RANBP17: variants seen among roughly 807,000 people sequenced by gnomAD.
The protein encoded by RANBP17 is ran-binding protein 17.
A neutral mutation model predicts 141.2 loss-of-function variants in RANBP17; 158 were observed. The observed-to-expected ratio is 1.12, with a 90% CI of 0.98 to 1.28. The LOEUF (loss-of-function observed/expected upper bound fraction) is 1.28, where lower values mean the gene tolerates loss of function less well. Among genes scored for constraint, RANBP17 ranks in the 50% most tolerant of loss-of-function variants. The probability of loss-of-function intolerance (pLI) is 0.00; values close to 1 mark genes in which losing one functional copy is unlikely to be tolerated. For missense variants in RANBP17, 1,438 were observed against 1,290.7 expected (o/e 1.11, Z -1.75); for synonymous variants, 430 against 450.0 (o/e 0.96, Z 0.56).
At chr5:171,001,389 G>A (rs1779190593) in intron 14 of RANBP17, among the ~76,000 whole-genome samples, 1 of 152,164 alleles carries the variant, frequency 6.6e-6, no homozygotes, top group Non-Finnish European at 1.5e-5. Context: ...GAGTACCCAG[G>A]ACGTCCAATT....
Position 171,104,552 on chromosome 5 carries a change from T to C in RANBP17, c.1711-65578T>C, listed in dbSNP as rs545509009. Among the ~76,000 whole-genome samples the C allele has an allele frequency of 3.3e-5, 5 of 152,338 alleles. No individual in the cohort carries two copies. In the East Asian group the frequency reaches 9.6e-4, roughly 29 times the overall value. On this transcript the variant is annotated intron_variant, in intron 14 of 27. Transcript: ENST00000523189. ...TAACAGTTATACCTCTGAACTATTT[T>C]CCACAGAACAGAAATGACCTGTTAG...
intron 16 of RANBP17, among the ~76,000 whole-genome samples, chr5:171,180,104 A>G (rs955805167): frequency 6.6e-6 from 1 of 152,210 alleles, no homozygotes; most frequent in Non-Finnish European, 1.5e-5. Flanking sequence ...TTAATGGGTT[A>G]CTGCCAGCCA....
At chr5:171,183,550 T>C in intron 18 of RANBP17, 120 bp downstream of exon 18, 1 of 662,190 alleles carries the variant, frequency 1.5e-6, no homozygotes, top group South Asian at 2.0e-5. Flanking sequence ...TTCTGACAGT[T>C]TTCTACAACC....
At chr5:171,081,787 G>C (rs1785270352) in intron 14 of RANBP17, among the ~76,000 whole-genome samples, 1 of 152,068 alleles carries the variant, frequency 6.6e-6, no homozygotes, top group Non-Finnish European at 1.5e-5. Context: ...AAATAAGATA[G>C]CTTCTTACCA....
At chr5:171,075,967 A>G (rs186539605) in intron 14 of RANBP17, among the ~76,000 whole-genome samples, 1 of 144,336 alleles carries the variant, frequency 6.9e-6, no homozygotes, top group African/African-American at 2.9e-5. Context: ...AGAAAAAATT[A>G]AAAAAACACA....
intron 14 of RANBP17, among the ~76,000 whole-genome samples, chr5:171,097,479 T>C (rs1416973205): frequency 5.3e-5 from 8 of 152,064 alleles, no homozygotes; most frequent in Admixed American, 5.2e-4. Flanking sequence ...AGATACACAG[T>C]GAATGAGTAA....
At chr5:171,097,191 G>A (rs866982337) in intron 14 of RANBP17, among the ~76,000 whole-genome samples, 16 of 151,948 alleles carry the variant, frequency 1.1e-4, no homozygotes, top group Admixed American at 2.0e-4. Flanking sequence ...TCTTTAGCTT[G>A]TCCCTTCCTT....
intron 26 of RANBP17, 37 bp downstream of exon 26, chr5:171,294,018 C>G (rs778149437): frequency 6.9e-7 from 1 of 1,453,966 alleles, no homozygotes; most frequent in East Asian, 2.3e-5. Flanking sequence ...GAGGTGGTCC[C>G]TGGGAGAAGA....
At chr5:171,293,239 T>TA (rs1360520016) in intron 25 of RANBP17, among the ~76,000 whole-genome samples, 1 of 152,212 alleles carries the variant, frequency 6.6e-6, no homozygotes, top group Non-Finnish European at 1.5e-5. Context: ...TTCAAACTAC[T>TA]TAATGTCAGA....
rs184787768 is a variant in RANBP17 at position 171,111,156 on chromosome 5, C to T, written c.1711-58974C>T. ...GAAAAAGAAAGGTCAGAGTATTCTT[C>T]TTGTATCTGCTGTTTTTTCAGTGCC... On this transcript the variant is annotated intron_variant, in intron 14 of 27. Transcript: ENST00000523189. Among the ~76,000 whole-genome samples, 19 of 152,194 alleles carry T rather than the reference C, an allele frequency of 1.2e-4. No individual in the cohort carries two copies. The East Asian group carries it at 3.7e-3, about 29-fold the overall frequency.
intron 5 of RANBP17, among the ~76,000 whole-genome samples, chr5:170,903,098 C>T (rs1334723325): frequency 6.6e-6 from 1 of 152,232 alleles, no homozygotes; most frequent in African/African-American, 2.4e-5. Context: ...GCTGTGCCCA[C>T]AGCCGCCCCT....
chr5:171,012,004 C>CAGTAATATATTTGTTTAAACA (rs1780071673), intron 14 of RANBP17, among the ~76,000 whole-genome samples: 1 of 149,982 alleles, frequency 6.7e-6, no homozygotes, highest in Non-Finnish European at 1.5e-5. Context: ...GTTATTGCCT[C>CAGTAATATATTTGTTTAAACA]AGTAATATAT....
chr5:170,908,946 A>C (rs1183046886), intron 5 of RANBP17, among the ~76,000 whole-genome samples: 1 of 151,878 alleles, frequency 6.6e-6, no homozygotes, highest in Non-Finnish European at 1.5e-5. Flanking sequence ...GCAACTGTAG[A>C]CCATAGTGTT....
At chr5:170,868,375 A>G (rs1767444446) in intron 1 of RANBP17, among the ~76,000 whole-genome samples, 1 of 152,102 alleles carries the variant, frequency 6.6e-6, no homozygotes, top group Non-Finnish European at 1.5e-5. Context: ...CAGCCTCCCA[A>G]GTAGCTGGGA....
chr5:171,291,787 C>G (rs1026755912), intron 25 of RANBP17, among the ~76,000 whole-genome samples: 2 of 152,028 alleles, frequency 1.3e-5, no homozygotes, highest in African/African-American at 4.8e-5. Flanking sequence ...AGCTGATTTG[C>G]TCACTAATTT....
chr5:171,107,949 T>G (rs1033011879), intron 14 of RANBP17, among the ~76,000 whole-genome samples: 1 of 152,234 alleles, frequency 6.6e-6, no homozygotes, highest in African/African-American at 2.4e-5. Context: ...AGCAATCAGT[T>G]TCAGGTTTCT....
rs373001251 is a variant in RANBP17, at chr5:171,123,505, C to T, written c.1711-46625C>T. ...GCCACTGCTCATGTCATAGACATTGCCTAGAGGGTTGATAAACTGCCCACC... is the reference window on the plus strand; with the variant it reads ...GCCACTGCTCATGTCATAGACATTGTCTAGAGGGTTGATAAACTGCCCACC... On this transcript the variant is annotated intron_variant, in intron 14 of 27. Coordinates refer to ENST00000523189, the MANE Select transcript of RANBP17 (RefSeq NM_022897.5). Among the ~76,000 whole-genome samples the T allele has an allele frequency of 4.4e-4, 67 of 152,296 alleles. 2 individuals carry two copies. The South Asian group carries it at 0.013, about 31-fold the overall frequency.
intron 14 of RANBP17, among the ~76,000 whole-genome samples, chr5:171,101,999 A>G (rs1025404900): frequency 1.3e-5 from 2 of 152,140 alleles, no homozygotes; most frequent in African/African-American, 4.8e-5. Flanking sequence ...GGGTAACCCA[A>G]CCTTTCTCTC....
chr5:171,198,530 T>C lies in RANBP17; in HGVS notation c.2039-1140T>C, dbSNP rs1581844380. ...AAAATGACTATAGATGCCAGTGTTT[T>C]TCGAACATTCACAGGCATCTGAATC... On this transcript the variant is annotated intron_variant, in intron 18 of 27. Coordinates refer to ENST00000523189, the MANE Select transcript of RANBP17 (RefSeq NM_022897.5). 5.3e-5 allele frequency among the ~76,000 whole-genome samples: 8 copies of C among 152,316 alleles called. No individual in the cohort carries two copies. The South Asian group carries it at 1.7e-3, about 32-fold the overall frequency.
Sources: allele counts gnomAD v4.1 joint callset (sites outside exome capture counted in the v4.1 genomes callset), GRCh38; gene constraint gnomAD v4.1.1; transcripts MANE v1.5; gene names NCBI Gene and HGNC (gene_info 2026-07-23, HGNC 2026-07-21).